Variants in CCAR1 observed in about 807,000 individuals in gnomAD.
CCAR1 encodes cell division cycle and apoptosis regulator protein 1.
CCAR1 carries 78 observed loss-of-function variants against 163.8 expected under a neutral mutation model. The observed-to-expected ratio is 0.48, with a 90% CI of 0.40 to 0.57. CCAR1 has a LOEUF of 0.57. Among genes scored for constraint, CCAR1 ranks in the 20% least tolerant of loss-of-function variants. The pLI, the probability that CCAR1 is intolerant of heterozygous loss-of-function variation, is 0.00. For missense variants in CCAR1, 1,019 were observed against 1,365.2 expected, an observed-to-expected ratio of 0.75 and a Z score of 4.00; for synonymous variants, 443 against 460.7, an observed-to-expected ratio of 0.96 and a Z score of 0.49.
intron 17 of CCAR1, among the ~76,000 whole-genome samples, chr10:68,770,880 A>T (rs12259642): frequency 0.077 from 11,664 of 152,258 alleles, 1,248 homozygotes; most frequent in African/African-American, 0.24. Flanking sequence ...GATCGAGACC[A>T]TCCTGGCTGA....
At chr10:68,763,648 A>G (rs918772019) in intron 16 of CCAR1, among the ~76,000 whole-genome samples, 5 of 152,022 alleles carry the variant, frequency 3.3e-5, no homozygotes, top group South Asian at 2.1e-4. Flanking sequence ...GGGTTTCGCC[A>G]TGTTAGCCAG....
At chr10:68,758,689 A>G (rs1049362364) in intron 15 of CCAR1, among the ~76,000 whole-genome samples, 1 of 13,364 alleles carries the variant, frequency 7.5e-5, no homozygotes, top group Non-Finnish European at 2.1e-4. Flanking sequence ...GTATATATAT[A>G]TTTTTTTTTT....
chr10:68,743,761 T>C (rs994271590), intron 6 of CCAR1, among the ~76,000 whole-genome samples: 6 of 146,672 alleles, frequency 4.1e-5, no homozygotes, highest in African/African-American at 1.6e-4. Flanking sequence ...TATTTATTTA[T>C]TTACTTTGAG....
At chr10:68,782,533 A>G (rs541446893) in intron 19 of CCAR1, among the ~76,000 whole-genome samples, 3 of 152,358 alleles carry the variant, frequency 2.0e-5, no homozygotes, top group African/African-American at 7.2e-5. Context: ...GCCTTCTTCC[A>G]TCGGCTGAAG....
chr10:68,780,853 G>C (rs1340667469), intron 19 of CCAR1, among the ~76,000 whole-genome samples: 1 of 152,144 alleles, frequency 6.6e-6, no homozygotes, highest in Non-Finnish European at 1.5e-5. Flanking sequence ...TATTGTTTGT[G>C]TTCTGATCAC....
chr10:68,759,926 C>T (rs2056447516), intron 15 of CCAR1, among the ~76,000 whole-genome samples: 2 of 152,142 alleles, frequency 1.3e-5, no homozygotes, highest in African/African-American at 4.8e-5. Context: ...CTTCAAACTC[C>T]TAGGCTCAAG....
At chr10:68,722,055 C>T (rs753418224) in intron 1 of CCAR1, among the ~76,000 whole-genome samples, 1 of 152,158 alleles carries the variant, frequency 6.6e-6, no homozygotes, top group Non-Finnish European at 1.5e-5. Context: ...TTGGTTTTAA[C>T]ATTACCCTGG....
intron 19 of CCAR1, among the ~76,000 whole-genome samples, chr10:68,781,591 C>G (rs1490431376): frequency 5.9e-5 from 9 of 151,468 alleles, no homozygotes; most frequent in Non-Finnish European, 4.4e-5. Flanking sequence ...CTCAGTGGTT[C>G]ATGACTGTAA....
At chr10:68,778,807 A>G (rs550897577) in intron 19 of CCAR1, among the ~76,000 whole-genome samples, 96 of 151,932 alleles carry the variant, frequency 6.3e-4, no homozygotes, top group African/African-American at 2.2e-3. Flanking sequence ...ACTTTTTTTC[A>G]TATTTTATAT....
intron 4 of CCAR1, among the ~76,000 whole-genome samples, chr10:68,740,236 A>T (rs2056165471): frequency 6.6e-6 from 1 of 152,240 alleles, no homozygotes; most frequent in African/African-American, 2.4e-5. Flanking sequence ...ATAACAAAAA[A>T]ATCAGGTTCT....
Position 68,771,477 on chromosome 10 carries a change from C to T in CCAR1, c.2538+32C>T, listed in dbSNP as rs544020745. 1.1e-5 allele frequency: 17 copies of T among 1,525,958 alleles called. No individual in the cohort carries two copies. The African/African-American group carries it at 2.0e-4, about 18-fold the overall frequency. 94.5% of individuals were successfully genotyped at this position (1,525,958 alleles called of 1,614,324 possible). A position where few individuals can be genotyped will look rare whatever the true frequency, so the allele number is the denominator to read the frequency against. On this transcript the variant is annotated intron_variant, in intron 18 of 24. Transcript: ENST00000265872. The stretch of plus-strand genomic sequence containing the variant: ...AATAACAACCTGCTTTAGAAGCTTT[C>T]AGTTACTCTTCTAGGTTATAAAGGT...
chr10:68,756,035 C>T lies in CCAR1; in HGVS notation c.1626-238C>T, dbSNP rs1429043408. ...GCTTCTTCAGGTATTCTCTAAAATGCGGGTAGCTCTGTAATCAAACTTGAA... is the reference window on the plus strand; with the variant it reads ...GCTTCTTCAGGTATTCTCTAAAATGTGGGTAGCTCTGTAATCAAACTTGAA... On this transcript the variant is annotated intron_variant, in intron 13 of 24. Transcript: ENST00000265872. The surrounding 1 kb of genome is among the most constrained non-coding windows in gnomAD (Gnocchi z 5.1). Among the ~76,000 whole-genome samples the T allele has an allele frequency of 2.6e-5, 4 of 152,094 alleles. No individual in the cohort carries two copies. The highest frequency in any genetic ancestry group is 1.9e-4 in the East Asian group (1 of 5,192).
chr10:68,786,123 A>G lies in CCAR1; in HGVS notation c.2651-13A>G. ...TTAATGACTTTTTTGCCACTGTTAT[A>G]TTTATTTTACAGATAGGGATGAGGA... On this transcript the variant is annotated splice_polypyrimidine_tract_variant and intron_variant, in intron 19 of 24. Coordinates refer to ENST00000265872, the MANE Select transcript of CCAR1 (RefSeq NM_018237.4). 2 of 1,589,794 alleles carry G rather than the reference A, an allele frequency of 1.3e-6. No homozygotes were observed. The highest frequency in any genetic ancestry group is 8.6e-7 in the Non-Finnish European group (1 of 1,159,660).
At chr10:68,769,679 C>T (rs1371305252) in intron 17 of CCAR1, among the ~76,000 whole-genome samples, 1 of 152,066 alleles carries the variant, frequency 6.6e-6, no homozygotes, top group Non-Finnish European at 1.5e-5. Flanking sequence ...TGGTGGCTCA[C>T]GCCTTTAATC....
chr10:68,772,230 C>G (rs941978773), intron 18 of CCAR1, among the ~76,000 whole-genome samples: 2 of 152,050 alleles, frequency 1.3e-5, no homozygotes, highest in African/African-American at 4.8e-5. Context: ...CTGCTATAAT[C>G]CCAGCACATT....
chr10:68,770,458 G>A (rs2056587893), intron 17 of CCAR1, among the ~76,000 whole-genome samples: 1 of 152,138 alleles, frequency 6.6e-6, no homozygotes, highest in Admixed American at 6.5e-5. Flanking sequence ...TTAACGGTTG[G>A]TTGGCTTCGC....
intron 2 of CCAR1, among the ~76,000 whole-genome samples, chr10:68,733,378 T>G (rs1422594750): frequency 6.6e-6 from 1 of 152,158 alleles, no homozygotes. Flanking sequence ...GCCGCTGCAC[T>G]TGAGCCTGTG....
chr10:68,732,289 G>C (rs887874256), intron 2 of CCAR1, among the ~76,000 whole-genome samples: 1 of 152,020 alleles, frequency 6.6e-6, no homozygotes, highest in Non-Finnish European at 1.5e-5. Flanking sequence ...TTTTCATAGC[G>C]TCTTGTTCCT....
intron 5 of CCAR1, among the ~76,000 whole-genome samples, chr10:68,741,546 C>T (rs893302102): frequency 6.6e-6 from 1 of 152,118 alleles, no homozygotes; most frequent in Non-Finnish European, 1.5e-5. Context: ...GTTTGCTGAT[C>T]ACTGGTTAAT....
Sources: allele counts gnomAD v4.1 joint callset (sites outside exome capture counted in the v4.1 genomes callset), GRCh38; gene constraint gnomAD v4.1.1; non-coding constraint Gnocchi (gnomAD v3.1); transcripts MANE v1.5; gene names NCBI Gene and HGNC (gene_info 2026-07-23, HGNC 2026-07-21).